Variants in TTN observed in about 807,000 individuals in gnomAD.
TTN encodes titin, also known as connectin.
TTN carries 1,525 observed loss-of-function variants against 3,223.0 expected under a neutral mutation model. The ratio of observed to expected loss-of-function variants is 0.47; its 90% CI spans 0.45 to 0.49. The LOEUF is 0.49. Among genes scored for constraint, TTN ranks in the 20% least tolerant of loss-of-function variants. TTN has a pLI of 0.00. For synonymous variants in TTN, 14,094 were observed against 15,161.0 expected (o/e 0.93, Z 5.17); for missense variants, 40,786 against 43,424.0 (o/e 0.94, Z 5.40).
At chr2:178,730,422 A>G in intron 61 of TTN, 51 bp from the exon 62 acceptor site, 1 of 1,552,574 alleles carries the variant, frequency 6.4e-7, no homozygotes, top group Non-Finnish European at 8.7e-7. Flanking sequence ...TTTATTTTAT[A>G]ACTTAGCAAT....
chr2:178,526,954 G>C lies in TTN; in HGVS notation c.*58C>G. The stretch of plus-strand genomic sequence containing the variant: ...ATTTACAGTTCAGAAAGATTAGTCC[G>C]TGTGAAACGTTTGCGAAAAGTTAAG... On this transcript the variant is annotated 3_prime_UTR_variant, in exon 363 of 363. Transcript: ENST00000589042. 1 of 1,421,224 alleles carries C rather than the reference G, an allele frequency of 7.0e-7. No homozygotes were observed. Among genetic ancestry groups the C allele is most frequent in the South Asian group, 1.6e-5 (1 of 62,470 alleles). 88.0% of individuals were successfully genotyped at this position (1,421,224 alleles called of 1,614,324 possible). A position where few individuals can be genotyped will look rare whatever the true frequency, so the allele number is the denominator to read the frequency against.
intron 44 of TTN, 41 bp from the exon 45 acceptor site, chr2:178,757,957 C>A: frequency 6.6e-7 from 1 of 1,505,180 alleles, no homozygotes; most frequent in Non-Finnish European, 8.9e-7. Flanking sequence ...TTACCTTGCA[C>A]TGAAACCAGA....
chr2:178,611,580 A>G lies in TTN; in HGVS notation c.50649T>C (p.Pro16883=). The G allele has an allele frequency of 6.2e-7, 1 of 1,613,046 alleles. No homozygotes were observed. Among genetic ancestry groups the G allele is most frequent in the Non-Finnish European group, 8.5e-7 (1 of 1,179,326 alleles). The change falls in exon 269 of 363, where the codon CCT becomes CCC. Residue 16883 remains proline, a synonymous_variant. Coordinates refer to ENST00000589042, the MANE Select transcript of TTN (RefSeq NM_001267550.2). ...ACATTTCAACATGGTATCCTATGAT[A>G]GGACTTCCACCATTTTTCTCTGGAG... ...WKPPEKNGGS[P]IIGYHVEMCP... is the part of the protein sequence containing the mutation.
rs375173049 is a variant in TTN, at chr2:178,728,328, T to A, written c.19496A>T (p.His6499Leu). The A allele has an allele frequency of 1.8e-5, 29 of 1,611,612 alleles. No individual in the cohort carries two copies. The African/African-American group carries it at 3.9e-4, about 22-fold the overall frequency. The stretch of plus-strand genomic sequence containing the variant: ...TGAACCAGACACCTTGCACTCCATA[T>A]GAATAGAAGAGCCCAGAACTTTATC... ...KMDKVLGSSIHMECKVSGSLP... is the reference protein window; with the variant it reads ...KMDKVLGSSILMECKVSGSLP... The change falls in exon 67 of 363, where the codon CAT becomes CTT. Residue 6499 changes from histidine to leucine, a missense_variant. By Grantham distance (99) the His-to-Leu change is moderately conservative. Coordinates refer to ENST00000589042, the MANE Select transcript of TTN (RefSeq NM_001267550.2).
chr2:178,778,436 C>T (rs2092452565), intron 24 of TTN: 1 of 279,490 alleles, frequency 3.6e-6, no homozygotes, highest in African/African-American at 2.2e-5. Flanking sequence ...CAAAACAAGA[C>T]TCCATCTACA....
At chr2:178,787,806 A>G (rs1216409128) in intron 13 of TTN, among the ~76,000 whole-genome samples, 2 of 152,010 alleles carry the variant, frequency 1.3e-5, no homozygotes, top group African/African-American at 4.8e-5. Flanking sequence ...ATATACACAC[A>G]CTTATTGGTG....
intron 120 of TTN, 49 bp from the exon 121 acceptor site, chr2:178,692,148 C>T (rs1370408563): frequency 6.6e-7 from 1 of 1,510,914 alleles, no homozygotes; most frequent in Non-Finnish European, 9.2e-7. Context: ...TAGTCACCTT[C>T]TGAGACATCT....
At position 178,535,450 on chromosome 2, in the gene TTN, G is replaced by A. The variant is rs1372744849; in HGVS notation, c.101165C>T (p.Thr33722Ile). The change falls in exon 358 of 363, where the codon ACC (threonine) becomes ATC (isoleucine). Residue 33722 changes from threonine to isoleucine, a missense_variant. Transcript: ENST00000589042. The part of the protein sequence containing the change: ...EPASDGGSKI[T>I]NYIVEKCATT... ...TGCACATTTTTCAACAATGTAGTTG[G>A]TGATTTTGCTGCCACCATCAGAGGC... 2 of 1,613,764 alleles carry A rather than the reference G, an allele frequency of 1.2e-6. No homozygotes were observed. The highest frequency in any genetic ancestry group is 1.3e-5 in the African/African-American group (1 of 74,908).
chr2:178,783,028 C>T lies in TTN; in HGVS notation c.2878G>A (p.Val960Ile). Residue 960 changes from valine (V) to isoleucine (I), a missense_variant, in exon 18 of 363, where the codon GTC becomes ATC. Coordinates refer to ENST00000589042, the MANE Select transcript of TTN (RefSeq NM_001267550.2). The stretch of plus-strand genomic sequence containing the variant: ...CCAGAGATGTGGCACTCCAAGGTGA[C>T]AGATTCACCTTCTATGACAGTCACA... Reference protein sequence around the residue: ...KNVTVIEGESVTLECHISGYP... With the variant: ...KNVTVIEGESITLECHISGYP... 2 of 1,614,056 alleles carry T rather than the reference C, an allele frequency of 1.2e-6. No homozygotes were observed. Among genetic ancestry groups the T allele is most frequent in the Non-Finnish European group, 1.7e-6 (2 of 1,179,950 alleles).
At position 178,678,782 on chromosome 2, in the gene TTN, G is replaced by T; in HGVS notation, c.33791C>A (p.Pro11264Gln). 1 of 1,605,050 alleles carries T rather than the reference G, an allele frequency of 6.2e-7. No homozygotes were observed. The highest frequency in any genetic ancestry group is 1.1e-5 in the South Asian group (1 of 88,570). Residue 11264 changes from proline (P) to glutamine (Q), a missense_variant, in exon 143 of 363, where the codon CCA becomes CAA. By Grantham distance (76) the Pro-to-Gln change is moderately conservative. Transcript: ENST00000589042. ...TGGAGCTTCCACCTTTTTAGGAACTGGTACTGGTACTTTCTCCTCTGGCAC... is the reference window on the plus strand; with the variant it reads ...TGGAGCTTCCACCTTTTTAGGAACTTGTACTGGTACTTTCTCCTCTGGCAC... ...KPVPEEKVPV[P>Q]VPKKVEAPPA...
Position 178,560,895 on chromosome 2 carries a change from T to C in TTN, c.85237A>G (p.Thr28413Ala). The C allele has an allele frequency of 6.2e-7, 1 of 1,613,792 alleles. No individual in the cohort carries two copies. Among genetic ancestry groups the C allele is most frequent in the Non-Finnish European group, 8.5e-7 (1 of 1,179,824 alleles). The change falls in exon 326 of 363, where the codon ACT becomes GCT. Residue 28413 changes from threonine (T) to alanine (A), a missense_variant. Physicochemically the swap from Thr to Ala is moderately conservative, Grantham distance 58. Coordinates refer to ENST00000589042, the MANE Select transcript of TTN (RefSeq NM_001267550.2). Reference protein sequence around the residue: ...RTEIISTDNHTLLTVKDCIRR... With the variant: ...RTEIISTDNHALLTVKDCIRR... ...ATACAGTCTTTAACTGTTAACAAAG[T>C]ATGATTGTCTGTTGAGATGATTTCT...
At chr2:178,594,885 A>G (rs780568606) in intron 295 of TTN, among the ~76,000 whole-genome samples, 4 of 152,142 alleles carry the variant, frequency 2.6e-5, no homozygotes, top group Non-Finnish European at 4.4e-5. Context: ...AATTTAGGAA[A>G]GGTCTTCAGA....
At position 178,537,547 on chromosome 2, in the gene TTN, G is replaced by A. The variant is rs763539794; in HGVS notation, c.99660C>T (p.Tyr33220=). The A allele has an allele frequency of 1.2e-5, 20 of 1,613,606 alleles. No individual in the cohort carries two copies. The African/African-American group carries it at 2.5e-4, about 20-fold the overall frequency. Residue 33220 remains tyrosine (Y), a synonymous_variant, in exon 355 of 363, where the codon TAC becomes TAT. Coordinates refer to ENST00000589042, the MANE Select transcript of TTN (RefSeq NM_001267550.2). ...VGSTLRLHVM[Y]IGRPVPAMTW... ...TCATGGCAGGTACTGGACGACCAAT[G>A]TACATAACATGAAGCCGAAGTGTGG...
In TTN at chr2:178,552,405, C is replaced by G. The variant is rs761010373; in HGVS notation, c.90495G>C (p.Trp30165Cys). Residue 30165 changes from tryptophan to cysteine, a missense_variant, in exon 335 of 363, where the codon TGG becomes TGC. Transcript: ENST00000589042. The part of the protein sequence containing the change: ...YKGKPKPSIS[W>C]LKDGLPLKES... Reference sequence around the variant, plus strand: ...CTTTCAGTGGCAAGCCATCTTTCAGCCAACTGATGGATGGTTTGGGTTTTC... The same window carrying G: ...CTTTCAGTGGCAAGCCATCTTTCAGGCAACTGATGGATGGTTTGGGTTTTC... The G allele has an allele frequency of 6.3e-7, 1 of 1,592,470 alleles. No individual in the cohort carries two copies. Among genetic ancestry groups the G allele is most frequent in the African/African-American group, 1.3e-5 (1 of 74,434 alleles).
chr2:178,544,231 T>C lies in TTN; in HGVS notation c.95998A>G (p.Ile32000Val), dbSNP rs769971164. The change falls in exon 345 of 363, where the codon ATT (isoleucine) becomes GTT (valine). Residue 32000 changes from isoleucine (I) to valine (V), a missense_variant. Transcript: ENST00000589042. ...CTTTCCACGGGCTCAATTTCAGCAA[T>C]TGATTCGCTGTATTCGCTCATACCC... ...VKGMSEYSES[I>V]AEIEPVERIE... The C allele has an allele frequency of 1.2e-5, 19 of 1,613,360 alleles. No individual in the cohort carries two copies. Among genetic ancestry groups the C allele is most frequent in the Middle Eastern group, 1.6e-4 (1 of 6,076 alleles).
chr2:178,614,102 C>T lies in TTN; in HGVS notation c.49295G>A (p.Gly16432Asp), dbSNP rs547225882. The change falls in exon 262 of 363, where the codon GGT (glycine) becomes GAT (aspartate). Residue 16432 changes from glycine to aspartate, a missense_variant. Transcript: ENST00000589042. Reference protein sequence around the residue: ...IFRVAAENMYGVGEPVQASPI... With the variant: ...IFRVAAENMYDVGEPVQASPI... ...AGAGGCCTGAACTGGTTCACCAACA[C>T]CATACATGTTTTCTGCAGCAACTCT... is the stretch of plus-strand genomic sequence containing the variant. 2 of 1,612,474 alleles carry T rather than the reference C, an allele frequency of 1.2e-6. No homozygotes were observed. Among genetic ancestry groups the T allele is most frequent in the Non-Finnish European group, 1.7e-6 (2 of 1,179,226 alleles).
intron 31 of TTN, 23 bp from the exon 32 acceptor site, chr2:178,773,748 G>C: frequency 6.2e-7 from 1 of 1,614,014 alleles, no homozygotes; most frequent in Non-Finnish European, 8.5e-7. Flanking sequence ...ACACACACAA[G>C]ATGAATGAAT....
In TTN at chr2:178,617,124, T is replaced by C. The variant is rs746246845; in HGVS notation, c.47871A>G (p.Ala15957=). The C allele has an allele frequency of 1.2e-5, 19 of 1,610,254 alleles. No individual in the cohort carries two copies. Among genetic ancestry groups the C allele is most frequent in the Non-Finnish European group, 1.5e-5 (18 of 1,178,266 alleles). The stretch of plus-strand genomic sequence containing the variant: ...AAAAATAAAATATCTATTTACCAAA[T>C]GCATCGTCAGCGGTGAGAGGACCAA... ...EILGPLTADD[A]FVEPTMDLSA... Residue 15957 remains alanine (A), a synonymous_variant, in exon 255 of 363, where the codon GCA becomes GCG. Coordinates refer to ENST00000589042, the MANE Select transcript of TTN (RefSeq NM_001267550.2).
At position 178,573,109 on chromosome 2, in the gene TTN, T is replaced by C; in HGVS notation, c.73023A>G (p.Ser24341=). ...RVLDTSRSSI[S]IAWNKPIYDG... ...CATAGATAGGTTTATTCCAAGCGAT[T>C]GAAATGGATGATCTGCTTGTATCCA... is the stretch of plus-strand genomic sequence containing the variant. Residue 24341 remains serine (S), a synonymous_variant, in exon 326 of 363, where the codon TCA becomes TCG. Coordinates refer to ENST00000589042, the MANE Select transcript of TTN (RefSeq NM_001267550.2). 1 of 1,613,322 alleles carries C rather than the reference T, an allele frequency of 6.2e-7. No homozygotes were observed. The highest frequency in any genetic ancestry group is 8.5e-7 in the Non-Finnish European group (1 of 1,179,556).
Sources: allele counts gnomAD v4.1 joint callset (sites outside exome capture counted in the v4.1 genomes callset), GRCh38; gene constraint gnomAD v4.1.1; transcripts MANE v1.5; gene names NCBI Gene and HGNC (gene_info 2026-07-23, HGNC 2026-07-21).